Variants in ENOX1 observed in about 807,000 individuals in gnomAD.
ENOX1 encodes the protein candidate growth-related and time keeping constitutive hydroquinone (NADH) oxidase.
In ENOX1, 42 loss-of-function variants were observed where a neutral mutation model predicts 82.5. That is an observed-to-expected ratio of 0.51 (90% CI 0.40 to 0.66). ENOX1 has a LOEUF of 0.66. Ranked by LOEUF, ENOX1 falls within the 30% of genes least tolerant of loss-of-function variation. The probability of loss-of-function intolerance (pLI) is 0.00; values close to 1 mark genes in which losing one functional copy is unlikely to be tolerated. For missense variants in ENOX1, 608 were observed against 811.6 expected (o/e 0.75, Z 3.05); for synonymous variants, 271 against 282.2 (o/e 0.96, Z 0.40).
intron 5 of ENOX1, among the ~76,000 whole-genome samples, chr13:43,362,322 T>A (rs1442500277): frequency 6.6e-6 from 1 of 151,962 alleles, no homozygotes; most frequent in East Asian, 1.9e-4. Flanking sequence ...GCAGGGGCTA[T>A]GAAAATACTA....
At chr13:43,574,434 T>A (rs559894118) in intron 2 of ENOX1, among the ~76,000 whole-genome samples, 1 of 152,310 alleles carries the variant, frequency 6.6e-6, no homozygotes, top group Admixed American at 6.5e-5. Context: ...CTCAATGGCG[T>A]ATACCCACTC....
At chr13:43,239,338 G>C (rs980512455) in intron 14 of ENOX1, among the ~76,000 whole-genome samples, 2 of 152,088 alleles carry the variant, frequency 1.3e-5, no homozygotes, top group Non-Finnish European at 2.9e-5. Context: ...TCAGCTTTTG[G>C]GGACATCTGT....
chr13:43,294,942 C>G (rs963762394), intron 12 of ENOX1, among the ~76,000 whole-genome samples: 1 of 152,128 alleles, frequency 6.6e-6, no homozygotes, highest in Admixed American at 6.5e-5. Context: ...GGGTAGAAAA[C>G]AGAGCAGTGG....
chr13:43,472,033 A>G (rs2058092080), intron 3 of ENOX1, among the ~76,000 whole-genome samples: 1 of 151,788 alleles, frequency 6.6e-6, no homozygotes, highest in African/African-American at 2.4e-5. Context: ...AAGAAAAATT[A>G]AAAGAAAAAA....
At chr13:43,494,495 A>G (rs1360819246) in intron 2 of ENOX1, among the ~76,000 whole-genome samples, 1 of 151,916 alleles carries the variant, frequency 6.6e-6, no homozygotes, top group Non-Finnish European at 1.5e-5. Context: ...ATGACGGAAC[A>G]GTCCCCCAAC....
intron 2 of ENOX1, among the ~76,000 whole-genome samples, chr13:43,616,166 C>CTATATAGATATCTATA (rs1566641724): frequency 1.1e-4 from 1 of 9,266 alleles, no homozygotes; most frequent in African/African-American, 2.1e-4. Flanking sequence ...AGATATCTAT[C>CTATATAGATATCTATA]TATCTATCTA....
chr13:43,248,053 T>G (rs1157026849), intron 14 of ENOX1, among the ~76,000 whole-genome samples: 6 of 148,604 alleles, frequency 4.0e-5, no homozygotes, highest in Non-Finnish European at 8.9e-5. Flanking sequence ...GCCTGTCTAA[T>G]TTTTTGTATT....
chr13:43,654,677 T>C (rs2084348988), intron 2 of ENOX1, among the ~76,000 whole-genome samples: 1 of 152,214 alleles, frequency 6.6e-6, no homozygotes, highest in Non-Finnish European at 1.5e-5. Flanking sequence ...AGAATTTCCA[T>C]AGTCAACCCT....
chr13:43,371,077 A>T (rs1594191137), intron 5 of ENOX1, among the ~76,000 whole-genome samples: 1 of 152,102 alleles, frequency 6.6e-6, no homozygotes, highest in East Asian at 1.9e-4. Context: ...TCATTAGCCG[A>T]TGATTAATTT....
At chr13:43,248,586 A>T (rs1217272090) in intron 14 of ENOX1, among the ~76,000 whole-genome samples, 2 of 152,052 alleles carry the variant, frequency 1.3e-5, no homozygotes, top group East Asian at 3.9e-4. Context: ...ATAAGCTTAT[A>T]ACCTTTTTTC....
At chr13:43,758,409 C>T (rs1950773092) in intron 1 of ENOX1, among the ~76,000 whole-genome samples, 1 of 152,070 alleles carries the variant, frequency 6.6e-6, no homozygotes, top group South Asian at 2.1e-4. Flanking sequence ...GTTTATATAA[C>T]ATTCTTGACA....
chr13:43,620,384 G>T (rs1448821877), intron 2 of ENOX1, among the ~76,000 whole-genome samples: 2 of 151,888 alleles, frequency 1.3e-5, no homozygotes, highest in Non-Finnish European at 2.9e-5. Context: ...TAGGGGTTTT[G>T]GGTTATGCTT....
chr13:43,230,604 T>G, intron 15 of ENOX1, among the ~76,000 whole-genome samples: 1 of 152,062 alleles, frequency 6.6e-6, no homozygotes, highest in East Asian at 1.9e-4. Context: ...CTTCCTAATT[T>G]TATGCAGTAT....
intron 14 of ENOX1, among the ~76,000 whole-genome samples, chr13:43,254,798 C>T (rs2043653298): frequency 6.6e-6 from 1 of 152,096 alleles, no homozygotes; most frequent in South Asian, 2.1e-4. Context: ...GAAATGCATA[C>T]ATTCCTGGAC....
At chr13:43,309,896 C>A (rs1293327010) in intron 11 of ENOX1, among the ~76,000 whole-genome samples, 2 of 152,070 alleles carry the variant, frequency 1.3e-5, no homozygotes, top group Non-Finnish European at 2.9e-5. Context: ...TTTATTCTTA[C>A]CAGAGCCTCC....
At chr13:43,648,521 G>A (rs2084005419) in intron 2 of ENOX1, among the ~76,000 whole-genome samples, 1 of 152,296 alleles carries the variant, frequency 6.6e-6, no homozygotes, top group Admixed American at 6.5e-5. Context: ...CCCCAGATTT[G>A]GGTGGATGGA....
intron 2 of ENOX1, among the ~76,000 whole-genome samples, chr13:43,485,626 T>C (rs1207262198): frequency 6.6e-6 from 1 of 152,228 alleles, no homozygotes; most frequent in Non-Finnish European, 1.5e-5. Flanking sequence ...AGAGCTAGTT[T>C]ATCTTTGCAT....
intron 1 of ENOX1, among the ~76,000 whole-genome samples, chr13:43,777,381 G>A (rs929261034): frequency 5.3e-5 from 8 of 152,038 alleles, no homozygotes; most frequent in East Asian, 1.9e-4. Flanking sequence ...ACATATGTGC[G>A]CACACACGTA....
intron 9 of ENOX1, among the ~76,000 whole-genome samples, chr13:43,330,683 C>T (rs748132320): frequency 6.6e-6 from 1 of 152,092 alleles, no homozygotes; most frequent in Non-Finnish European, 1.5e-5. Flanking sequence ...TTAGATATCA[C>T]AGTAGAGCCC....
Sources: allele counts gnomAD v4.1 joint callset (sites outside exome capture counted in the v4.1 genomes callset), GRCh38; gene constraint gnomAD v4.1.1; transcripts MANE v1.5; gene names NCBI Gene and HGNC (gene_info 2026-07-23, HGNC 2026-07-21).